The following CCDC57 variants were observed in gnomAD, a reference collection of about 807,000 sequenced individuals.
CCDC57 encodes the protein coiled-coil domain containing 57, also known as coiled-coil domain-containing protein 57.
In CCDC57, 118 loss-of-function variants were observed where a neutral mutation model predicts 118.9. The observed-to-expected ratio is 0.99, with a 90% CI of 0.86 to 1.16. CCDC57 has a LOEUF of 1.16. Among genes scored for constraint, CCDC57 ranks in the 50% most tolerant of loss-of-function variants. The pLI is 0.00. For synonymous variants in CCDC57, 527 were observed against 532.9 expected (o/e 0.99, Z 0.15); for missense variants, 1,300 against 1,320.7 (o/e 0.98, Z 0.24).
At chr17:82,128,346 C>T (rs1434118428) in intron 18 of CCDC57, 147 bp downstream of exon 17, 3 of 633,808 alleles carry the variant, frequency 4.7e-6, no homozygotes, top group Non-Finnish European at 8.2e-6. Context: ...GCAGCTCACC[C>T]TGCCATTGTG....
At chr17:82,174,205 C>T (rs757658159) in intron 11 of CCDC57, among the ~76,000 whole-genome samples, 1 of 152,244 alleles carries the variant, frequency 6.6e-6, no homozygotes, top group South Asian at 2.1e-4. Flanking sequence ...CTTCCCAGGA[C>T]GCTCTGACTG....
At chr17:82,144,029 G>C (rs1218980243) in intron 16 of CCDC57, among the ~76,000 whole-genome samples, 1 of 150,996 alleles carries the variant, frequency 6.6e-6, no homozygotes, top group South Asian at 2.1e-4. Flanking sequence ...ACTCCAGCCT[G>C]GGCAACAGAC....
intron 19 of CCDC57, chr17:82,107,694 G>A (rs2034960317): frequency 1.8e-5 from 8 of 436,182 alleles, no homozygotes; most frequent in Middle Eastern, 6.0e-4. Context: ...TGCACTGCCC[G>A]CTCCCCTGGC....
chr17:82,157,955 G>A lies in CCDC57; in HGVS notation c.2041-7C>T. ...CCAGGGGTTCCCGCAGCACCTAGGG[G>A]TCATTTCAAAGGCAGTGTGAGGAAT... On this transcript the variant is annotated splice_region_variant and splice_polypyrimidine_tract_variant and intron_variant, in intron 14 of 19. Transcript: ENST00000665763. 1 of 1,550,990 alleles carries A rather than the reference G, an allele frequency of 6.4e-7. No individual in the cohort carries two copies.
At chr17:82,174,751 T>C (rs116488365) in intron 11 of CCDC57, among the ~76,000 whole-genome samples, 1,538 of 152,332 alleles carry the variant, frequency 0.01, 24 homozygotes, top group African/African-American at 0.036. Flanking sequence ...TTGTAACCAT[T>C]TGTCTTTTAA....
intron 15 of CCDC57, among the ~76,000 whole-genome samples, chr17:82,152,640 C>T (rs948418586): frequency 2.6e-5 from 4 of 152,238 alleles, no homozygotes; most frequent in African/African-American, 7.2e-5. Context: ...CCTGGCAAGA[C>T]GGGAGCCGAC....
intron 1 of CCDC57, among the ~76,000 whole-genome samples, chr17:82,211,033 GA>G (rs1226803718): frequency 4.8e-5 from 7 of 146,078 alleles, no homozygotes; most frequent in Non-Finnish European, 1.1e-4. Context: ...GAAAAAGAGA[GA>G]AAGAAAGAAA....
At chr17:82,211,014 A>G (rs918740091) in intron 1 of CCDC57, among the ~76,000 whole-genome samples, 41 of 151,460 alleles carry the variant, frequency 2.7e-4, no homozygotes, top group African/African-American at 9.2e-4. Flanking sequence ...AAAAAAGAAA[A>G]AAAAAAAAGA....
intron 19 of CCDC57, chr17:82,113,597 C>T (rs766248451): frequency 1.4e-6 from 1 of 717,622 alleles, no homozygotes; most frequent in Non-Finnish European, 2.6e-6. Context: ...CCACGTGCTC[C>T]TTACCAAGCT....
chr17:82,138,634 A>AGTTGGAAGAGACGCATGGCCTGCCCCGG (rs2039590549), intron 16 of CCDC57, among the ~76,000 whole-genome samples: 1 of 108,244 alleles, frequency 9.2e-6, no homozygotes, highest in African/African-American at 3.2e-5. Flanking sequence ...AAGACTGCCG[A>AGTTGGAAGAGACGCATGGCCTGCCCCGG]GTCGGAAGAG....
Position 82,183,940 on chromosome 17 carries a change from T to G in CCDC57, c.1053-8A>C. 6.2e-7 allele frequency: 1 copy of G among 1,610,338 alleles called. No individual in the cohort carries two copies. Among genetic ancestry groups the G allele is most frequent in the Non-Finnish European group, 8.5e-7 (1 of 1,177,750 alleles). On this transcript the variant is annotated splice_region_variant and splice_polypyrimidine_tract_variant and intron_variant, in intron 8 of 19. Coordinates refer to ENST00000665763, the Ensembl canonical transcript of CCDC57. ...GATGCATCTTCACGAAGTCTAAACA[T>G]AGAAGGGAAACTATGTAGATGTGGT...
intron 8 of CCDC57, 98 bp from the exon 8 acceptor site, chr17:82,184,030 C>CGCGCGT (rs1555746677): frequency 2.6e-6 from 1 of 385,348 alleles, no homozygotes; most frequent in Non-Finnish European, 4.7e-6. Flanking sequence ...CGCGCGCGCG[C>CGCGCGT]GCACACACAC....
At chr17:82,164,556 A>G (rs981424468) in intron 13 of CCDC57, among the ~76,000 whole-genome samples, 5 of 152,206 alleles carry the variant, frequency 3.3e-5, no homozygotes, top group South Asian at 2.1e-4. Flanking sequence ...CTAAGCAAGG[A>G]AAAAATAGAA....
At chr17:82,121,320 C>T (rs2036644317) in intron 19 of CCDC57, among the ~76,000 whole-genome samples, 1 of 152,260 alleles carries the variant, frequency 6.6e-6, no homozygotes, top group African/African-American at 2.4e-5. Context: ...CCTCCACCTG[C>T]TGAGGCCCCC....
chr17:82,167,381 GCT>G (rs1339244777), intron 13 of CCDC57, among the ~76,000 whole-genome samples: 3 of 103,052 alleles, frequency 2.9e-5, no homozygotes, highest in Non-Finnish European at 3.9e-5. Flanking sequence ...ATGGATTTTT[GCT>G]CTTGTAGCCC....
intron 2 of CCDC57, among the ~76,000 whole-genome samples, chr17:82,204,073 C>T (rs930482495): frequency 6.6e-6 from 1 of 152,158 alleles, no homozygotes; most frequent in African/African-American, 2.4e-5. Flanking sequence ...CCGCTGGGGG[C>T]ACGAGGGCTC....
chr17:82,190,368 G>C (rs2047516351), intron 7 of CCDC57, among the ~76,000 whole-genome samples: 1 of 152,174 alleles, frequency 6.6e-6, no homozygotes, highest in Non-Finnish European at 1.5e-5. Flanking sequence ...TCATGCATTT[G>C]CAAGACAGGT....
At chr17:82,137,015 T>G (rs1034119729) in intron 16 of CCDC57, among the ~76,000 whole-genome samples, 2 of 128,608 alleles carry the variant, frequency 1.6e-5, no homozygotes, top group African/African-American at 6.1e-5. Flanking sequence ...GTGTACTACT[T>G]TTTTTTTTTT....
At chr17:82,149,951 C>A (rs2041656272) in intron 16 of CCDC57, among the ~76,000 whole-genome samples, 1 of 150,084 alleles carries the variant, frequency 6.7e-6, no homozygotes, top group Non-Finnish European at 1.5e-5. Context: ...ACATCCAGAA[C>A]CAGGTGCACA....
Sources: gnomAD v4.1 joint callset for allele counts (sites outside exome capture counted in the v4.1 genomes callset) on GRCh38, gnomAD v4.1.1 for gene constraint, MANE v1.5 for transcripts, NCBI Gene and HGNC (gene_info 2026-07-23, HGNC 2026-07-21) for gene names.